Variants in NLK observed in about 807,000 individuals in gnomAD.
NLK encodes the protein serine/threonine-protein kinase NLK.
Under a neutral mutation model 59.0 loss-of-function variants are expected in NLK, and 11 were observed. The observed-to-expected ratio is 0.19, with a 90% CI of 0.12 to 0.31. The LOEUF (loss-of-function observed/expected upper bound fraction) is 0.31. Ranked by LOEUF, NLK falls within the 10% of genes least tolerant of loss-of-function variation. The pLI is 1.00. For synonymous variants in NLK, 235 were observed against 235.9 expected (o/e 1.00, Z 0.03); for missense variants, 410 against 661.1 (o/e 0.62, Z 4.16).
intron 1 of NLK, among the ~76,000 whole-genome samples, chr17:28,049,773 G>T (rs1292055819): frequency 1.3e-5 from 2 of 152,090 alleles, no homozygotes; most frequent in African/African-American, 2.4e-5. Flanking sequence ...CTGAGGTCAG[G>T]AGTTCAAGAC....
At chr17:28,050,598 G>A (rs886797294) in intron 1 of NLK, among the ~76,000 whole-genome samples, 3 of 152,000 alleles carry the variant, frequency 2.0e-5, no homozygotes, top group Admixed American at 1.3e-4. Flanking sequence ...GAGAGACTTC[G>A]TCAGATTTAA....
chr17:28,196,907 C>T (rs1909498002), downstream of NLK, among the ~76,000 whole-genome samples: 1 of 152,204 alleles, frequency 6.6e-6, no homozygotes. Context: ...CAACATTACT[C>T]TTGAGTTTGT....
chr17:28,151,047 A>T (rs982400268), intron 3 of NLK, among the ~76,000 whole-genome samples: 5 of 152,154 alleles, frequency 3.3e-5, no homozygotes, highest in Admixed American at 2.6e-4. Flanking sequence ...TCTTGTTTGG[A>T]GACCCTCATT....
chr17:28,062,966 T>C (rs1338313247), intron 1 of NLK, among the ~76,000 whole-genome samples: 1 of 152,234 alleles, frequency 6.6e-6, no homozygotes, highest in Admixed American at 6.5e-5. Flanking sequence ...GAGACAGCTC[T>C]GTCGCCCAGG....
intron 3 of NLK, among the ~76,000 whole-genome samples, chr17:28,140,374 A>T (rs528415706): frequency 8.5e-5 from 13 of 152,226 alleles, no homozygotes; most frequent in Non-Finnish European, 1.5e-4. Context: ...AACATTGTGA[A>T]TGTGCTTAAT....
chr17:28,169,721 C>CTTTTTTT (rs1193124964), intron 6 of NLK, among the ~76,000 whole-genome samples: 205 of 111,562 alleles, frequency 1.8e-3, no homozygotes, highest in African/African-American at 6.7e-3. Flanking sequence ...GCTTCTTCTT[C>CTTTTTTT]TTTTTTTTTT....
chr17:28,138,960 G>C (rs745889724), intron 3 of NLK, among the ~76,000 whole-genome samples: 3 of 152,108 alleles, frequency 2.0e-5, no homozygotes, highest in East Asian at 3.9e-4. Flanking sequence ...AAAGTATACT[G>C]ATAGAAAAGA....
intron 1 of NLK, chr17:28,061,855 A>G (rs868489154): frequency 9.7e-5 from 14 of 144,248 alleles, no homozygotes; most frequent in African/African-American, 3.6e-4. Flanking sequence ...TATAATATAT[A>G]ATATATACAT....
chr17:28,204,610 G>T, the NLK span, among the ~76,000 whole-genome samples: 3 of 152,120 alleles, frequency 2.0e-5, no homozygotes, highest in African/African-American at 7.2e-5. Context: ...ATTATTCTAG[G>T]CACTGGGGAT....
intron 1 of NLK, among the ~76,000 whole-genome samples, chr17:28,080,992 C>G (rs759027938): frequency 3.3e-5 from 5 of 151,552 alleles, no homozygotes; most frequent in Admixed American, 1.3e-4. Context: ...TGGGCTCAAT[C>G]GATCCACCCA....
intron 7 of NLK, among the ~76,000 whole-genome samples, chr17:28,180,043 C>T (rs1908846334): frequency 6.6e-6 from 1 of 152,084 alleles, no homozygotes. Flanking sequence ...TGTAGCACTT[C>T]GTCTTTCCTG....
chr17:28,150,024 A>G (rs1314359813), intron 3 of NLK, among the ~76,000 whole-genome samples: 4 of 152,198 alleles, frequency 2.6e-5, no homozygotes, highest in Non-Finnish European at 5.9e-5. Context: ...TTAATAGTAA[A>G]CAAATTGAGG....
rs573424498 is a variant in NLK at position 28,110,862 on chromosome 17, T to TG, written c.459-11740dup. Among the ~76,000 whole-genome samples, 985 of 152,228 alleles carry TG rather than the reference T, an allele frequency of 6.5e-3. 15 individuals carry two copies. The highest frequency in any genetic ancestry group is 0.022 in the African/African-American group (920 of 41,534). ...TTGTTTGTTTGTTTTTGTTTTTTTTTGAGACGGAGTCTCGCTCTGTCGCCC... is the reference window on the plus strand; with the variant it reads ...TTGTTTGTTTGTTTTTGTTTTTTTTTGGAGACGGAGTCTCGCTCTGTCGCCC... On this transcript the variant is annotated intron_variant, in intron 1 of 10. Coordinates refer to ENST00000407008, the MANE Select transcript of NLK (RefSeq NM_016231.5).
At chr17:28,137,687 A>C (rs1258748116) in intron 3 of NLK, among the ~76,000 whole-genome samples, 1 of 152,132 alleles carries the variant, frequency 6.6e-6, no homozygotes, top group Non-Finnish European at 1.5e-5. Context: ...TAAAATTATT[A>C]TGCCAGTGCT....
At chr17:28,169,721 C>CTTTTTT (rs1193124964) in intron 6 of NLK, among the ~76,000 whole-genome samples, 18 of 111,584 alleles carry the variant, frequency 1.6e-4, no homozygotes, top group African/African-American at 3.4e-4. Context: ...GCTTCTTCTT[C>CTTTTTT]TTTTTTTTTT....
chr17:28,090,126 T>G (rs1904435136), intron 1 of NLK, among the ~76,000 whole-genome samples: 1 of 152,212 alleles, frequency 6.6e-6, no homozygotes, highest in African/African-American at 2.4e-5. Context: ...TTTGCTATAT[T>G]ATTTTAATGA....
intron 3 of NLK, among the ~76,000 whole-genome samples, chr17:28,150,429 C>G (rs945730954): frequency 2.0e-5 from 3 of 152,128 alleles, no homozygotes; most frequent in African/African-American, 7.2e-5. Flanking sequence ...GTCAGGAAAC[C>G]TGAGCTAGTC....
the NLK span, among the ~76,000 whole-genome samples, chr17:28,203,164 TACACACACACACAC>T: frequency 5.8e-5 from 8 of 137,020 alleles, no homozygotes; most frequent in South Asian, 9.3e-4. Flanking sequence ...TATACATACA[TACACACACACACAC>T]ACACACACAC....
chr17:28,199,568 C>T (rs142525864), downstream of NLK, among the ~76,000 whole-genome samples: 8 of 148,068 alleles, frequency 5.4e-5, no homozygotes, highest in African/African-American at 1.5e-4. Context: ...CAGAAGACTG[C>T]GGCAGGAGAA....
Sources: gnomAD v4.1 joint callset for allele counts (sites outside exome capture counted in the v4.1 genomes callset) on GRCh38, gnomAD v4.1.1 for gene constraint, MANE v1.5 for transcripts, NCBI Gene and HGNC (gene_info 2026-07-23, HGNC 2026-07-21) for gene names.